The following LAS1L variants were observed in gnomAD, a reference collection of about 807,000 sequenced individuals.
LAS1L encodes the protein ribosomal biogenesis protein LAS1L.
LAS1L carries 5 observed loss-of-function variants against 57.3 expected under a neutral mutation model. The observed-to-expected ratio is 0.09, with a 90% CI of 0.05 to 0.18. The LOEUF (loss-of-function observed/expected upper bound fraction) is 0.18, where lower values mean the gene tolerates loss of function less well. Ranked by LOEUF, LAS1L falls within the 10% of genes least tolerant of loss-of-function variation. LAS1L has a pLI of 1.00. For synonymous variants in LAS1L, 245 were observed against 231.7 expected (o/e 1.06, Z -0.52); for missense variants, 360 against 568.3 (o/e 0.63, Z 3.73).
chrX:65,524,709 T>G, intron 8 of LAS1L, 95 bp from the exon 9 acceptor site: 1 of 500,390 alleles, frequency 2.0e-6, no homozygotes, highest in Non-Finnish European at 3.7e-6. Flanking sequence ...ACAACGAACA[T>G]GGCACAATAA....
At chrX:65,525,213 C>T (rs2069064267) in intron 7 of LAS1L, among the ~76,000 whole-genome samples, 163 bp from the exon 8 acceptor site, 1 of 111,669 alleles carries the variant, frequency 9.0e-6, no homozygotes, top group Admixed American at 9.4e-5. Flanking sequence ...AGGGAGTTGA[C>T]AATTGGATCT....
intron 2 of LAS1L, 147 bp from the exon 3 acceptor site, chrX:65,532,777 C>T: frequency 2.1e-6 from 1 of 467,622 alleles, no homozygotes; most frequent in Non-Finnish European, 3.8e-6. Flanking sequence ...AGAGCAGGGA[C>T]AGTTCCATCC....
rs1387365726 is a variant in LAS1L, at chrX:65,523,641, C to T, written c.1367G>A (p.Cys456Tyr). 2 of 1,199,603 alleles carry T rather than the reference C, an allele frequency of 1.7e-6. No individual in the cohort carries two copies. Among genetic ancestry groups the T allele is most frequent in the Admixed American group, 4.5e-5 (2 of 44,719 alleles). The stretch of plus-strand genomic sequence containing the variant: ...CCGGGGCCAGTCAAGGGAGGCGGAG[C>T]AGTTGAACAGCCTCCAGCCCCTTCT... ...EARRGWRLFN[C>Y]SASLDWPRMV... Residue 456 changes from cysteine (C) to tyrosine (Y), a missense_variant, in exon 11 of 14, where the codon TGC (cysteine) becomes TAC (tyrosine). Cys to Tyr is a radical substitution (Grantham distance 194). This residue lies in a region of LAS1L where 81 missense variants were observed against 192.1 expected (regional missense o/e 0.42). Coordinates refer to ENST00000374811, the MANE Select transcript of LAS1L (RefSeq NM_031206.7).
chrX:65,519,357 T>C (rs1304086526), intron 11 of LAS1L, among the ~76,000 whole-genome samples: 2 of 111,859 alleles, frequency 1.8e-5, no homozygotes, highest in Non-Finnish European at 3.8e-5. Context: ...TTTCTGAAGA[T>C]CACCAAGTGA....
chrX:65,518,523 C>G (rs948581556), intron 11 of LAS1L, 58 bp from the exon 12 acceptor site: 1 of 1,129,248 alleles, frequency 8.9e-7, no homozygotes, highest in African/African-American at 1.8e-5. Flanking sequence ...ACTTCATACC[C>G]CAACACTCCA....
chrX:65,512,869 C>G lies in LAS1L; in HGVS notation c.2111G>C (p.Gly704Ala). ...TLGLSCGVGS[G>A]NCSNSSSSNF... ...GCTGCTGCTGCTGTTGCTGCAGTTG[C>G]CACTGCCGACACCACAGCTCAGGCC... The change falls in exon 14 of 14, where the codon GGC (glycine) becomes GCC (alanine). Residue 704 changes from glycine to alanine, a missense_variant. Around this residue, in one of 7 missense-constraint regions of LAS1L, gnomAD observed 123 missense variants for 168.3 expected, o/e 0.73. Coordinates refer to ENST00000374811, the MANE Select transcript of LAS1L (RefSeq NM_031206.7). The G allele has an allele frequency of 8.6e-7, 1 of 1,167,539 alleles. No individual in the cohort carries two copies. Among genetic ancestry groups the G allele is most frequent in the Non-Finnish European group, 1.1e-6 (1 of 872,803 alleles).
intron 12 of LAS1L, among the ~76,000 whole-genome samples, chrX:65,516,812 CA>C (rs1289007463): frequency 2.0e-4 from 22 of 111,283 alleles, no homozygotes; most frequent in African/African-American, 6.8e-4. Context: ...CATACACACA[CA>C]CACAGAGAGA....
rs1431543664 is a variant in LAS1L, at chrX:65,514,816, C to T, written c.2078+7G>A. On this transcript the variant is annotated splice_region_variant and intron_variant, in intron 13 of 13. Coordinates refer to ENST00000374811, the MANE Select transcript of LAS1L (RefSeq NM_031206.7). ...GGGTGAGAAATCCTGTTGCCATGGG[C>T]ACTCACTCAGTCTTGCATGTTGAGG... The T allele has an allele frequency of 8.5e-7, 1 of 1,169,618 alleles. No individual in the cohort carries two copies. Among genetic ancestry groups the T allele is most frequent in the African/African-American group, 1.8e-5 (1 of 56,725 alleles).
intron 13 of LAS1L, 93 bp from the exon 14 acceptor site, chrX:65,512,994 G>A: frequency 3.4e-6 from 3 of 880,422 alleles, no homozygotes; most frequent in Non-Finnish European, 4.6e-6. Context: ...CTGTGGGATG[G>A]GCCCACTCTC....
intron 9 of LAS1L, 59 bp from the exon 10 acceptor site, chrX:65,524,321 CGAAAGAGAGA>C (rs2069014145): frequency 1.1e-6 from 1 of 925,546 alleles, no homozygotes; most frequent in Admixed American, 2.5e-5. Flanking sequence ...CAGGAGAGCA[CGAAAGAGAGA>C]GCAAGAGACA....
chrX:65,526,500 C>T lies in LAS1L; in HGVS notation c.957-1450G>A, dbSNP rs779066969. On this transcript the variant is annotated intron_variant, in intron 7 of 13. Coordinates refer to ENST00000374811, the MANE Select transcript of LAS1L (RefSeq NM_031206.7). Reference sequence around the variant, plus strand: ...AGGCTGGGCAAACACTGATAAAATACTTTTGGAACGAGTATCCTGGACATG... The same window carrying T: ...AGGCTGGGCAAACACTGATAAAATATTTTTGGAACGAGTATCCTGGACATG... 7.2e-5 allele frequency among the ~76,000 whole-genome samples: 8 copies of T among 111,605 alleles called. No individual in the cohort carries two copies. The East Asian group carries it at 2.3e-3, about 32-fold the overall frequency.
chrX:65,518,539 T>G (rs2068731830), intron 11 of LAS1L, 74 bp from the exon 12 acceptor site: 2 of 1,112,043 alleles, frequency 1.8e-6, no homozygotes, highest in East Asian at 6.2e-5. Context: ...CTCCAGGGTT[T>G]GAACTTGGTC....
intron 9 of LAS1L, 47 bp from the exon 10 acceptor site, chrX:65,524,309 AGCAG>A: frequency 1.0e-6 from 1 of 989,624 alleles, no homozygotes; most frequent in Non-Finnish European, 1.4e-6. Flanking sequence ...GGAGAGAGAG[AGCAG>A]GAGAGCACGA....
At position 65,512,878 on chromosome X, in the gene LAS1L, A is replaced by G. The variant is rs780005821; in HGVS notation, c.2102T>C (p.Val701Ala). Residue 701 changes from valine (V) to alanine (A), a missense_variant, in exon 14 of 14, where the codon GTC (valine) becomes GCC (alanine). By Grantham distance (64) the Val-to-Ala change is moderately conservative. Around this residue, in one of 7 missense-constraint regions of LAS1L, gnomAD observed 123 missense variants for 168.3 expected, o/e 0.73. Coordinates refer to ENST00000374811, the MANE Select transcript of LAS1L (RefSeq NM_031206.7). Reference protein sequence around the residue: ...KTDTLGLSCGVGSGNCSNSSS... With the variant: ...KTDTLGLSCGAGSGNCSNSSS... ...GCTGTTGCTGCAGTTGCCACTGCCG[A>G]CACCACAGCTCAGGCCCAAGGTGCT... The G allele has an allele frequency of 1.0e-5, 12 of 1,166,229 alleles. No individual in the cohort carries two copies. The South Asian group carries it at 2.1e-4, about 20-fold the overall frequency.
At chrX:65,516,636 T>TAA in intron 12 of LAS1L, among the ~76,000 whole-genome samples, 1 of 89,588 alleles carries the variant, frequency 1.1e-5, no homozygotes, top group Non-Finnish European at 2.2e-5. Flanking sequence ...CTTTTTCCTA[T>TAA]ACACACACAC....
At chrX:65,531,501 C>A (rs1216945536) in intron 3 of LAS1L, 63 bp from the exon 4 acceptor site, 3 of 835,170 alleles carry the variant, frequency 3.6e-6, no homozygotes, top group African/African-American at 4.0e-5. Context: ...TGGAAGGGAG[C>A]CAGAGATTAA....
intron 11 of LAS1L, chrX:65,520,891 C>G: frequency 1.3e-5 from 10 of 754,161 alleles, no homozygotes; most frequent in Non-Finnish European, 1.6e-5. Context: ...CCCTCCCTCC[C>G]ATTATATACA....
rs988301363 is a variant in LAS1L at position 65,516,877 on chromosome X, C to T, written c.1927+1110G>A. Reference sequence around the variant, plus strand: ...TCCACCCTGTCCATACAAGGACAAACAAAGGCCATAGTATCTTTCTCTATA... The same window carrying T: ...TCCACCCTGTCCATACAAGGACAAATAAAGGCCATAGTATCTTTCTCTATA... On this transcript the variant is annotated intron_variant, in intron 12 of 13. Transcript: ENST00000374811. Among the ~76,000 whole-genome samples the T allele has an allele frequency of 4.7e-4, 52 of 110,805 alleles. 1 individual carries two copies. The highest frequency in any genetic ancestry group is 1.5e-3 in the African/African-American group (45 of 30,469).
At chrX:65,517,856 C>A in intron 12 of LAS1L, 131 bp downstream of exon 12, 1 of 1,061,150 alleles carries the variant, frequency 9.4e-7, no homozygotes, top group African/African-American at 1.9e-5. Flanking sequence ...CATCTATGCA[C>A]CAGGCTGCCT....
Sources: gnomAD v4.1 joint callset for allele counts (sites outside exome capture counted in the v4.1 genomes callset) on GRCh38, gnomAD v4.1.1 for gene constraint, gnomAD v4.1.1 regional missense constraint, MANE v1.5 for transcripts, NCBI Gene and HGNC (gene_info 2026-07-23, HGNC 2026-07-21) for gene names.